DDX46: variants seen among roughly 807,000 people sequenced by gnomAD.
DDX46 encodes DEAD-box helicase 46.
Under a neutral mutation model 134.9 loss-of-function variants are expected in DDX46, and 30 were observed. The observed-to-expected ratio is 0.22, with a 90% confidence interval of 0.17 to 0.30. The LOEUF is 0.30. Among genes scored for constraint, DDX46 ranks in the 10% least tolerant of loss-of-function variants. DDX46 has a pLI of 1.00. For missense variants in DDX46, 622 were observed against 1,248.7 expected (o/e 0.50, Z 7.56); for synonymous variants, 415 against 404.1 (o/e 1.03, Z -0.32).
At chr5:134,781,325 T>A in intron 7 of DDX46, 79 bp downstream of exon 7, 1 of 1,122,500 alleles carries the variant, frequency 8.9e-7, no homozygotes, top group East Asian at 2.6e-5. Context: ...GAGATGTGCG[T>A]TTCATTTGTG....
At chr5:134,820,003 C>T (rs1238780930) in intron 21 of DDX46, among the ~76,000 whole-genome samples, 1 of 152,074 alleles carries the variant, frequency 6.6e-6, no homozygotes, top group African/African-American at 2.4e-5. Flanking sequence ...CTCACTGCAA[C>T]CTCCACCTCC....
chr5:134,792,870 G>T (rs1461776125), intron 13 of DDX46, among the ~76,000 whole-genome samples: 1 of 152,166 alleles, frequency 6.6e-6, no homozygotes, highest in African/African-American at 2.4e-5. Flanking sequence ...AAAACCTGCT[G>T]GAGGCTTGGC....
Position 134,811,728 on chromosome 5 carries a change from C to T in DDX46, c.2319C>T (p.Phe773=). The part of the protein sequence containing the change: ...EGKIIKKSSG[F]SGKGFKFDET... ...AAATAATTAAAAAGAGTAGTGGGTT[C>T]TCTGGTAAGGGATTCAAGTTTGATG... Residue 773 remains phenylalanine, a synonymous_variant, in exon 18 of 23, where the codon TTC becomes TTT. Transcript: ENST00000452510. 1 of 1,609,822 alleles carries T rather than the reference C, an allele frequency of 6.2e-7. No homozygotes were observed. Among genetic ancestry groups the T allele is most frequent in the East Asian group, 2.2e-5 (1 of 44,808 alleles).
At position 134,830,136 on chromosome 5, in the gene DDX46, C is replaced by A. The variant is rs1755695816; in HGVS notation, c.*1430C>A. On this transcript the variant is annotated 3_prime_UTR_variant, in exon 23 of 23. Coordinates refer to ENST00000452510, the MANE Select transcript of DDX46 (RefSeq NM_001300860.2). ...GTCTTTTATATCCAAGGGTTTCAAA[C>A]CCACAGATTAAACCAACCACAGATC... The A allele has an allele frequency of 6.9e-6, 1 of 144,218 alleles. No individual in the cohort carries two copies. 8.9% of individuals were successfully genotyped at this position (144,218 alleles called of 1,614,324 possible). A position where few individuals can be genotyped will look rare whatever the true frequency, so the allele number is the denominator to read the frequency against.
In DDX46 at chr5:134,818,847, C is replaced by T; in HGVS notation, c.2833-13C>T. ...TATGAAGTGATTTTTCTTTTCCTTA[C>T]CTTTTCTTTTAGACTGCTAGGTGGA... On this transcript the variant is annotated splice_polypyrimidine_tract_variant and intron_variant, in intron 20 of 22. Transcript: ENST00000452510. The T allele has an allele frequency of 6.3e-7, 1 of 1,598,748 alleles. No homozygotes were observed. Among genetic ancestry groups the T allele is most frequent in the Non-Finnish European group, 8.5e-7 (1 of 1,174,482 alleles).
Position 134,801,253 on chromosome 5 carries a change from C to A in DDX46, c.1954+5103C>A, listed in dbSNP as rs185044920. 5.7e-3 allele frequency among the ~76,000 whole-genome samples: 861 copies of A among 152,008 alleles called. 7 individuals carry two copies. Among genetic ancestry groups the A allele is most frequent in the Non-Finnish European group, 9.4e-3 (638 of 67,968 alleles). On this transcript the variant is annotated intron_variant, in intron 15 of 22. Coordinates refer to ENST00000452510, the MANE Select transcript of DDX46 (RefSeq NM_001300860.2). ...TTATGCCACTGTACTCCCACCTTGG[C>A]GACAGAGTGAGACCCTGTCTCAAAT...
rs566822091 is a variant in DDX46 at position 134,759,070 on chromosome 5, C to G, written c.17+115C>G. 2.7e-6 allele frequency: 4 copies of G among 1,476,912 alleles called. No individual in the cohort carries two copies. In the East Asian group the frequency reaches 9.1e-5, roughly 34 times the overall value. 91.5% of individuals were successfully genotyped at this position (1,476,912 alleles called of 1,614,324 possible). On this transcript the variant is annotated intron_variant, in intron 1 of 22. Transcript: ENST00000452510. The stretch of plus-strand genomic sequence containing the variant: ...CTGGCGCGGCCCCACGTGCGGTCAG[C>G]GCTGCCCCGCGAGCATTGGAAGGGC...
chr5:134,774,190 A>G (rs1439709442), intron 5 of DDX46, among the ~76,000 whole-genome samples: 1 of 152,166 alleles, frequency 6.6e-6, no homozygotes, highest in Non-Finnish European at 1.5e-5. Context: ...GCTACCTCAC[A>G]TAAGTGGAAT....
chr5:134,772,668 T>C (rs550847492), intron 4 of DDX46, among the ~76,000 whole-genome samples: 2 of 152,186 alleles, frequency 1.3e-5, no homozygotes, highest in East Asian at 1.9e-4. Context: ...CACGCCCAGC[T>C]AATTTTTTGG....
chr5:134,788,030 A>G (rs1754392124), intron 11 of DDX46, among the ~76,000 whole-genome samples: 1 of 151,624 alleles, frequency 6.6e-6, no homozygotes, highest in South Asian at 2.1e-4. Context: ...TGTCTCAAAA[A>G]AAAAAAAAAA....
chr5:134,768,945 C>G (rs965571599), intron 3 of DDX46, among the ~76,000 whole-genome samples: 1 of 152,064 alleles, frequency 6.6e-6, no homozygotes, highest in African/African-American at 2.4e-5. Context: ...GTGATCCCAG[C>G]TACTCGGGAG....
chr5:134,807,453 T>G (rs1158740548), intron 15 of DDX46, among the ~76,000 whole-genome samples: 1 of 152,166 alleles, frequency 6.6e-6, no homozygotes. Context: ...TGAATGTTTC[T>G]GCCTTTTCTC....
rs1755176981 is a variant in DDX46 at position 134,812,603 on chromosome 5, A to G, written c.2436+758A>G. Among the ~76,000 whole-genome samples, 4 of 152,296 alleles carry G rather than the reference A, an allele frequency of 2.6e-5. No individual in the cohort carries two copies. The South Asian group carries it at 6.2e-4, about 24-fold the overall frequency. On this transcript the variant is annotated intron_variant, in intron 18 of 22. Transcript: ENST00000452510. The stretch of plus-strand genomic sequence containing the variant: ...GACAGGACCAGAACCCAGTTGTCCT[A>G]TTAACCTTAAGCCATTTCTTTCTAG...
At chr5:134,807,644 G>T in intron 15 of DDX46, 104 bp from the exon 16 acceptor site, 1 of 930,362 alleles carries the variant, frequency 1.1e-6, no homozygotes, top group Non-Finnish European at 1.6e-6. Context: ...TATATTTTAG[G>T]AGTTGGATGT....
intron 17 of DDX46, 143 bp downstream of exon 17, chr5:134,811,501 A>G: frequency 2.4e-6 from 3 of 1,240,046 alleles, no homozygotes; most frequent in Non-Finnish European, 3.3e-6. Flanking sequence ...AAAATGAGTG[A>G]AAGCTAAAAT....
intron 2 of DDX46, among the ~76,000 whole-genome samples, chr5:134,764,612 T>C (rs546606665): frequency 6.6e-6 from 1 of 152,316 alleles, no homozygotes; most frequent in African/African-American, 2.4e-5. Context: ...TTGGAAACTT[T>C]AGGCTGTATT....
intron 12 of DDX46, among the ~76,000 whole-genome samples, chr5:134,789,505 G>C (rs1462288210): frequency 6.6e-6 from 1 of 152,064 alleles, no homozygotes. Context: ...CATGAAGTTG[G>C]CAAAGTGACA....
At chr5:134,777,916 GT>G in intron 6 of DDX46, 191 bp downstream of exon 6, 1 of 553,528 alleles carries the variant, frequency 1.8e-6, no homozygotes, top group East Asian at 3.4e-5. Flanking sequence ...TCTTTCAAAA[GT>G]CACTCTTTTA....
At chr5:134,826,017 T>C (rs1411981578) in intron 21 of DDX46, 3 of 152,220 alleles carry the variant, frequency 2.0e-5, no homozygotes, top group Admixed American at 6.5e-5. Context: ...AGAAAAAATA[T>C]CTTGTCCATT....
Sources: gnomAD v4.1 joint callset for allele counts (sites outside exome capture counted in the v4.1 genomes callset) on GRCh38, gnomAD v4.1.1 for gene constraint, MANE v1.5 for transcripts, NCBI Gene and HGNC (gene_info 2026-07-23, HGNC 2026-07-21) for gene names.